SOCS5: variants seen among roughly 807,000 people sequenced by gnomAD.
The protein encoded by SOCS5 is suppressor of cytokine signaling 5, also known as CIS-6.
SOCS5 carries 32 observed loss-of-function variants against 42.8 expected under a neutral mutation model. That is an observed-to-expected ratio of 0.75 (90% CI 0.56 to 1.01). SOCS5 has a LOEUF of 1.01. SOCS5 is among the 50% of genes least tolerant of loss of function. The pLI is 0.00. For synonymous variants in SOCS5, 283 were observed against 229.6 expected (o/e 1.23, Z -2.10); for missense variants, 627 against 653.0 (o/e 0.96, Z 0.43).
chr2:46,714,977 A>G (rs1006482773), intron 1 of SOCS5, among the ~76,000 whole-genome samples: 9 of 152,180 alleles, frequency 5.9e-5, no homozygotes, highest in Non-Finnish European at 1.3e-4. Flanking sequence ...GTGTAGTTCA[A>G]GAATCATAAT....
chr2:46,740,917 T>A (rs969615094), intron 1 of SOCS5, among the ~76,000 whole-genome samples: 4 of 152,118 alleles, frequency 2.6e-5, no homozygotes, highest in Non-Finnish European at 4.4e-5. Flanking sequence ...ACACCCACAT[T>A]TGAGTATGTC....
At chr2:46,710,897 G>A (rs1572830047) in intron 1 of SOCS5, among the ~76,000 whole-genome samples, 1 of 152,188 alleles carries the variant, frequency 6.6e-6, no homozygotes, top group Non-Finnish European at 1.5e-5. Flanking sequence ...TTTCACTGAA[G>A]ATTAACTTTG....
At chr2:46,742,882 T>C (rs1673409814) in intron 1 of SOCS5, among the ~76,000 whole-genome samples, 1 of 152,116 alleles carries the variant, frequency 6.6e-6, no homozygotes. Flanking sequence ...GCCAGGCTAG[T>C]CTAGAACTCC....
At chr2:46,726,553 A>G (rs893040071) in intron 1 of SOCS5, among the ~76,000 whole-genome samples, 1 of 152,082 alleles carries the variant, frequency 6.6e-6, no homozygotes, top group Non-Finnish European at 1.5e-5. Flanking sequence ...AGTGACACGA[A>G]TGTCAGACCT....
chr2:46,757,684 TGGTG>T (rs1399067585), intron 1 of SOCS5, among the ~76,000 whole-genome samples: 1 of 152,078 alleles, frequency 6.6e-6, no homozygotes, highest in African/African-American at 2.4e-5. Flanking sequence ...CTGACCAACA[TGGTG>T]AAACCCCGTC....
intron 1 of SOCS5, among the ~76,000 whole-genome samples, chr2:46,711,054 T>C (rs1672609968): frequency 6.6e-6 from 1 of 152,224 alleles, no homozygotes; most frequent in Non-Finnish European, 1.5e-5. Context: ...ATATGAATAT[T>C]ATTATTGTGG....
chr2:46,741,153 A>G (rs1673365750), intron 1 of SOCS5, among the ~76,000 whole-genome samples: 1 of 152,120 alleles, frequency 6.6e-6, no homozygotes, highest in African/African-American at 2.4e-5. Flanking sequence ...TTTTTAAAAT[A>G]TTTCATTATT....
chr2:46,730,279 G>C (rs1008595087), intron 1 of SOCS5, among the ~76,000 whole-genome samples: 6 of 152,156 alleles, frequency 3.9e-5, no homozygotes, highest in Non-Finnish European at 7.3e-5. Flanking sequence ...CTAGATTTCA[G>C]GGTAAAACTT....
intron 1 of SOCS5, among the ~76,000 whole-genome samples, chr2:46,711,194 T>C (rs1454003629): frequency 6.6e-6 from 1 of 152,236 alleles, no homozygotes; most frequent in Non-Finnish European, 1.5e-5. Flanking sequence ...GGTTTTAAAA[T>C]AGGTCTATGT....
At chr2:46,723,810 T>C (rs1672935560) in intron 1 of SOCS5, among the ~76,000 whole-genome samples, 2 of 152,078 alleles carry the variant, frequency 1.3e-5, no homozygotes, top group South Asian at 2.1e-4. Flanking sequence ...CAAAATATCC[T>C]GGGGAGGGGT....
chr2:46,743,335 G>A (rs1257356172), intron 1 of SOCS5, among the ~76,000 whole-genome samples: 2 of 152,282 alleles, frequency 1.3e-5, no homozygotes, highest in Admixed American at 1.3e-4. Flanking sequence ...TGGGCTGCTG[G>A]TTGCCCATTT....
Position 46,759,987 on chromosome 2 carries a change from A to AT in SOCS5, c.1458dup (p.Ile487TyrfsTer13). 1 of 1,614,094 alleles carries AT rather than the reference A, an allele frequency of 6.2e-7. No individual in the cohort carries two copies. Among genetic ancestry groups the AT allele is most frequent in the Non-Finnish European group, 8.5e-7 (1 of 1,180,002 alleles). ...AGGACTTTCCCTTTTAGCCTGCAGT[A>AT]TATCTGTCGCGCGGTAATCTGCAGG... On this transcript the variant is annotated frameshift_variant, in exon 2 of 2. Coordinates refer to ENST00000394861, the MANE Select transcript of SOCS5 (RefSeq NM_144949.3). LOFTEE classifies it high-confidence loss of function.
At chr2:46,722,758 T>G (rs968736649) in intron 1 of SOCS5, among the ~76,000 whole-genome samples, 20 of 152,282 alleles carry the variant, frequency 1.3e-4, no homozygotes, top group African/African-American at 4.6e-4. Flanking sequence ...GTTGCCAAAC[T>G]GTTTTCAAGA....
At chr2:46,716,290 G>C (rs1332839084) in intron 1 of SOCS5, among the ~76,000 whole-genome samples, 1 of 141,650 alleles carries the variant, frequency 7.1e-6, no homozygotes, top group Non-Finnish European at 1.5e-5. Context: ...GCCATTTCTT[G>C]GTCCTTATTG....
intron 1 of SOCS5, among the ~76,000 whole-genome samples, chr2:46,744,441 G>A (rs1407335430): frequency 6.6e-6 from 1 of 152,092 alleles, no homozygotes; most frequent in East Asian, 1.9e-4. Context: ...TATCTTTGTG[G>A]TGAAGTAATT....
chr2:46,711,558 G>A (rs1175409724), intron 1 of SOCS5, among the ~76,000 whole-genome samples: 1 of 152,162 alleles, frequency 6.6e-6, no homozygotes, highest in Non-Finnish European at 1.5e-5. Context: ...TTTTCTTCCA[G>A]TCTGTGGCTT....
intron 1 of SOCS5, among the ~76,000 whole-genome samples, chr2:46,719,535 T>G (rs2103710065): frequency 6.6e-6 from 1 of 152,302 alleles, no homozygotes; most frequent in South Asian, 2.1e-4. Context: ...CCCACTTCCT[T>G]GCAGGTGTGG....
At position 46,724,510 on chromosome 2, in the gene SOCS5, A is replaced by G. The variant is rs1426105993; in HGVS notation, c.-13+25061A>G. Reference sequence around the variant, plus strand: ...AAGTTTCTTTTTTGTTAATATAAGTATTTAATGCCATACATTTTCCTCTGA... The same window carrying G: ...AAGTTTCTTTTTTGTTAATATAAGTGTTTAATGCCATACATTTTCCTCTGA... On this transcript the variant is annotated intron_variant, in intron 1 of 1. Transcript: ENST00000394861. 4.6e-5 allele frequency among the ~76,000 whole-genome samples: 7 copies of G among 152,130 alleles called. No individual in the cohort carries two copies. The East Asian group carries it at 1.2e-3, about 25-fold the overall frequency.
chr2:46,713,506 A>T (rs1041983045), intron 1 of SOCS5, among the ~76,000 whole-genome samples: 1 of 152,172 alleles, frequency 6.6e-6, no homozygotes, highest in African/African-American at 2.4e-5. Flanking sequence ...AGTAGGATCT[A>T]TTCCTTCTTT....
Sources: gnomAD v4.1 joint callset for allele counts (sites outside exome capture counted in the v4.1 genomes callset) on GRCh38, gnomAD v4.1.1 for gene constraint, MANE v1.5 for transcripts, NCBI Gene and HGNC (gene_info 2026-07-23, HGNC 2026-07-21) for gene names.